The following CFAP44 variants were observed in gnomAD, a reference collection of about 807,000 sequenced individuals.
The protein encoded by CFAP44 is cilia and flagella associated protein 44.
CFAP44 carries 134 observed loss-of-function variants against 216.2 expected under a neutral mutation model. The observed-to-expected ratio is 0.62, with a 90% confidence interval of 0.54 to 0.72. The LOEUF is 0.72. Ranked by LOEUF, CFAP44 falls within the 30% of genes least tolerant of loss-of-function variation. The pLI, the probability that CFAP44 is intolerant of heterozygous loss-of-function variation, is 0.00. For missense variants in CFAP44, 2,035 were observed against 2,182.1 expected, an observed-to-expected ratio of 0.93 and a Z score of 1.34; for synonymous variants, 700 against 727.6, an observed-to-expected ratio of 0.96 and a Z score of 0.61.
At chr3:113,380,256 AT>A (rs748828708) in intron 16 of CFAP44, among the ~76,000 whole-genome samples, 25 of 152,122 alleles carry the variant, frequency 1.6e-4, no homozygotes, top group Non-Finnish European at 3.4e-4. Flanking sequence ...CTTGGCTGGC[AT>A]TTAAGGAGCT....
intron 18 of CFAP44, among the ~76,000 whole-genome samples, chr3:113,366,869 T>C (rs1346101545): frequency 6.6e-6 from 1 of 152,202 alleles, no homozygotes; most frequent in Non-Finnish European, 1.5e-5. Flanking sequence ...AATACTGCGC[T>C]TTTCAAAAGT....
intron 17 of CFAP44, among the ~76,000 whole-genome samples, chr3:113,374,486 A>C (rs1444771322): frequency 6.6e-6 from 1 of 152,110 alleles, no homozygotes; most frequent in Non-Finnish European, 1.5e-5. Flanking sequence ...GAAGCTGGAC[A>C]AAGCTATCTG....
At chr3:113,315,173 G>A (rs372764457) in intron 28 of CFAP44, among the ~76,000 whole-genome samples, 37 of 151,602 alleles carry the variant, frequency 2.4e-4, no homozygotes, top group Admixed American at 7.2e-4. Flanking sequence ...CCAATCATAC[G>A]CTGACTACCA....
rs1484152588 is a variant in CFAP44, at chr3:113,333,499, G to A, written c.3522C>T (p.Phe1174=). The stretch of plus-strand genomic sequence containing the variant: ...TGTAGTCTGGGGCTGTCTTCAGATT[G>A]AAATCTCCCATATACACCTGGGCTT... The part of the protein sequence containing the change: ...IKEAQVYMGD[F]NLKTAPDYKI... The change falls in exon 25 of 35, where the codon TTC becomes TTT. Residue 1174 remains phenylalanine, a synonymous_variant. Transcript: ENST00000393845. The A allele has an allele frequency of 1.4e-5, 21 of 1,536,960 alleles. No individual in the cohort carries two copies. The highest frequency in any genetic ancestry group is 3.5e-6 in the Non-Finnish European group (4 of 1,146,864).
chr3:113,387,714 G>C (rs750022266), intron 15 of CFAP44, among the ~76,000 whole-genome samples: 16 of 151,936 alleles, frequency 1.1e-4, no homozygotes, highest in Non-Finnish European at 2.1e-4. Context: ...TACCAGCTTG[G>C]GCACAGTGGA....
chr3:113,322,601 T>C (rs1950155245), intron 28 of CFAP44, among the ~76,000 whole-genome samples: 1 of 152,176 alleles, frequency 6.6e-6, no homozygotes, highest in African/African-American at 2.4e-5. Flanking sequence ...GGTGAGGCTA[T>C]GGAGAAATGG....
At chr3:113,414,470 C>T (rs941306545) in intron 6 of CFAP44, among the ~76,000 whole-genome samples, 2 of 152,112 alleles carry the variant, frequency 1.3e-5, no homozygotes, top group African/African-American at 4.8e-5. Context: ...AACTTTTGCC[C>T]ATTCAATATG....
intron 6 of CFAP44, among the ~76,000 whole-genome samples, chr3:113,410,758 C>G (rs963519421): frequency 3.9e-5 from 6 of 152,162 alleles, no homozygotes; most frequent in Non-Finnish European, 8.8e-5. Flanking sequence ...ATTTACACTC[C>G]CACCAGTAGT....
Position 113,290,034 on chromosome 3 carries a change from C to T in CFAP44, c.*1523G>A, listed in dbSNP as rs1949814171. On this transcript the variant is annotated 3_prime_UTR_variant, in exon 35 of 35. Transcript: ENST00000393845. ...GATTCCTGGACCTCAGAAACCCTCT[C>T]ACTCCTGGGTGAGATCACAAGTTTG... 1 of 152,248 alleles carries T rather than the reference C, an allele frequency of 6.6e-6. No homozygotes were observed. The highest frequency in any genetic ancestry group is 2.4e-5 in the African/African-American group (1 of 41,466). The allele number at this position is 152,248 out of a possible 1,614,324, so 9.4% of individuals were successfully genotyped here.
chr3:113,426,364 C>G, intron 3 of CFAP44, 87 bp from the exon 4 acceptor site: 1 of 1,428,176 alleles, frequency 7.0e-7, no homozygotes, highest in Non-Finnish European at 9.5e-7. Flanking sequence ...TTCCCATAAT[C>G]TCCACATGTC....
chr3:113,296,128 C>T (rs766994997), intron 33 of CFAP44, among the ~76,000 whole-genome samples: 10 of 152,060 alleles, frequency 6.6e-5, no homozygotes, highest in Non-Finnish European at 1.3e-4. Flanking sequence ...TGTTTAGCTC[C>T]CACTTATAAG....
rs553499139 is a variant in CFAP44, at chr3:113,413,270, A to C, written c.673+3255T>G. ...GTTCCTTGTAAATTCTGGATATTAG[A>C]CCTTTGTCAGATGGGTAGATTGCAA... On this transcript the variant is annotated intron_variant, in intron 6 of 34. Coordinates refer to ENST00000393845, the MANE Select transcript of CFAP44 (RefSeq NM_001164496.2). 8.0e-3 allele frequency among the ~76,000 whole-genome samples: 1,212 copies of C among 151,796 alleles called. 10 individuals are homozygous for C. Among genetic ancestry groups the C allele is most frequent in the Non-Finnish European group, 0.013 (905 of 67,904 alleles).
intron 3 of CFAP44, 24 bp from the exon 4 acceptor site, chr3:113,426,301 A>G: frequency 6.2e-7 from 1 of 1,609,940 alleles, no homozygotes; most frequent in South Asian, 1.1e-5. Context: ...ATAATTTAAG[A>G]AGAGTGATAT....
rs1459677216 is a variant in CFAP44 at position 113,288,288 on chromosome 3, G to C, written c.*3269C>G. On this transcript the variant is annotated 3_prime_UTR_variant, in exon 35 of 35. Coordinates refer to ENST00000393845, the MANE Select transcript of CFAP44 (RefSeq NM_001164496.2). ...AATAAGTATAGCACCTGCTATTCCTGACTTCTGCATCCTTTTTCCATCAAG... is the reference window on the plus strand; with the variant it reads ...AATAAGTATAGCACCTGCTATTCCTCACTTCTGCATCCTTTTTCCATCAAG... 1 of 152,174 alleles carries C rather than the reference G, an allele frequency of 6.6e-6. No homozygotes were observed. Among genetic ancestry groups the C allele is most frequent in the African/African-American group, 2.4e-5 (1 of 41,436 alleles). The allele number at this position is 152,174 out of a possible 1,614,324, so 9.4% of individuals were successfully genotyped here. A position where few individuals can be genotyped will look rare whatever the true frequency, so the allele number is the denominator to read the frequency against.
chr3:113,363,687 ATCC>A (rs1950562712), intron 19 of CFAP44, among the ~76,000 whole-genome samples, 155 bp from the exon 20 acceptor site: 1 of 152,206 alleles, frequency 6.6e-6, no homozygotes, highest in African/African-American at 2.4e-5. Flanking sequence ...TTTCACAAAA[ATCC>A]AAGGAAAAAA....
At chr3:113,317,309 G>A (rs760015329) in intron 28 of CFAP44, among the ~76,000 whole-genome samples, 2 of 152,316 alleles carry the variant, frequency 1.3e-5, no homozygotes, top group African/African-American at 2.4e-5. Flanking sequence ...GACAGAGAGC[G>A]GCCATAGACA....
At chr3:113,407,617 C>G (rs1273661434) in intron 7 of CFAP44, among the ~76,000 whole-genome samples, 1 of 152,180 alleles carries the variant, frequency 6.6e-6, no homozygotes, top group East Asian at 1.9e-4. Flanking sequence ...TTAGTAACAT[C>G]TACCTCATAG....
chr3:113,352,655 C>G (rs1399554867), intron 22 of CFAP44, among the ~76,000 whole-genome samples: 2 of 151,782 alleles, frequency 1.3e-5, no homozygotes, highest in African/African-American at 4.8e-5. Context: ...GATAAAGAGG[C>G]TAAAATTAAA....
intron 4 of CFAP44, among the ~76,000 whole-genome samples, chr3:113,421,038 C>A (rs992810837): frequency 2.0e-5 from 3 of 152,028 alleles, no homozygotes; most frequent in Non-Finnish European, 2.9e-5. Context: ...GCAAAATAAA[C>A]CATCAACAGA....
Sources: allele counts gnomAD v4.1 joint callset (sites outside exome capture counted in the v4.1 genomes callset), GRCh38; gene constraint gnomAD v4.1.1; transcripts MANE v1.5; gene names NCBI Gene and HGNC (gene_info 2026-07-23, HGNC 2026-07-21).